Variants in NSL1 observed in about 807,000 individuals in gnomAD.
The protein encoded by NSL1 is kinetochore-associated protein NSL1 homolog.
NSL1 carries 11 observed loss-of-function variants against 25.4 expected under a neutral mutation model. That is an observed-to-expected ratio of 0.43 (90% CI 0.27 to 0.72). The LOEUF is 0.72. Ranked by LOEUF, NSL1 falls within the 30% of genes least tolerant of loss-of-function variation. NSL1 has a pLI of 0.19. For synonymous variants in NSL1, 118 were observed against 120.6 expected (o/e 0.98, Z 0.14); for missense variants, 330 against 342.7 (o/e 0.96, Z 0.29).
chr1:212,785,903 T>C (rs929260064), intron 2 of NSL1, among the ~76,000 whole-genome samples: 7 of 152,204 alleles, frequency 4.6e-5, no homozygotes, highest in Non-Finnish European at 1.0e-4. Context: ...ATTGCTGATA[T>C]GTTTCGGTAT....
chr1:212,776,908 A>C (rs942322015), intron 4 of NSL1, among the ~76,000 whole-genome samples: 1 of 151,976 alleles, frequency 6.6e-6, no homozygotes, highest in Non-Finnish European at 1.5e-5. Flanking sequence ...CAAACAAATG[A>C]ATTAAGTGCT....
At chr1:212,765,256 T>C (rs1159461968) in intron 4 of NSL1, among the ~76,000 whole-genome samples, 1 of 152,018 alleles carries the variant, frequency 6.6e-6, no homozygotes. Flanking sequence ...ATTACCCTAA[T>C]ACCAAAACTA....
Position 212,730,273 on chromosome 1 carries a change from G to T in NSL1, c.*8135C>A, listed in dbSNP as rs150953024. The stretch of plus-strand genomic sequence containing the variant: ...AAAAAAAAAAAAAAAAAAGAAATGC[G>T]CCAAGTCTCAGGTATTTATGGACTG... On this transcript the variant is annotated 3_prime_UTR_variant, in exon 6 of 6. Coordinates refer to ENST00000366977, the MANE Select transcript of NSL1 (RefSeq NM_015471.4). 24 of 510,236 alleles carry T rather than the reference G, an allele frequency of 4.7e-5. No individual in the cohort carries two copies. The East Asian group carries it at 2.5e-3, about 52-fold the overall frequency. 31.6% of individuals were successfully genotyped at this position (510,236 alleles called of 1,614,324 possible).
chr1:212,755,749 A>T (rs763901110), intron 4 of NSL1, among the ~76,000 whole-genome samples: 10 of 151,694 alleles, frequency 6.6e-5, no homozygotes, highest in Non-Finnish European at 1.2e-4. Flanking sequence ...AAATATGAAT[A>T]TGTATATATT....
At chr1:212,769,107 C>A (rs903615714) in intron 4 of NSL1, among the ~76,000 whole-genome samples, 3 of 151,732 alleles carry the variant, frequency 2.0e-5, no homozygotes, top group African/African-American at 7.3e-5. Flanking sequence ...GAAAGCCTAA[C>A]TGACTTTGGG....
Position 212,730,660 on chromosome 1 carries a change from G to T in NSL1, c.*7748C>A, listed in dbSNP as rs1247453341. ...GATCAGAAGGCAACTATACCTGCTAGCACAGTGATGTCACTGAGGGATGTC... is the reference window on the plus strand; with the variant it reads ...GATCAGAAGGCAACTATACCTGCTATCACAGTGATGTCACTGAGGGATGTC... On this transcript the variant is annotated 3_prime_UTR_variant, in exon 6 of 6. Coordinates refer to ENST00000366977, the MANE Select transcript of NSL1 (RefSeq NM_015471.4). 4 of 985,256 alleles carry T rather than the reference G, an allele frequency of 4.1e-6. No homozygotes were observed. The Admixed American group carries it at 2.5e-4, about 61-fold the overall frequency. 61.0% of individuals were successfully genotyped at this position (985,256 alleles called of 1,614,324 possible).
chr1:212,781,831 TG>T (rs1442608745), intron 4 of NSL1: 2 of 198,054 alleles, frequency 1.0e-5, no homozygotes, highest in South Asian at 8.1e-5. Flanking sequence ...GTTCTGCTGC[TG>T]GATTTACATA....
At chr1:212,738,727 G>T in intron 5 of NSL1, 41 bp from the exon 6 acceptor site, 1 of 1,533,394 alleles carries the variant, frequency 6.5e-7, no homozygotes, top group Non-Finnish European at 8.9e-7. Flanking sequence ...TTAATCTCAG[G>T]TTGAAACACA....
In NSL1 at chr1:212,732,496, G is replaced by A. The variant is rs140030679; in HGVS notation, c.*5912C>T. 2 of 465,900 alleles carry A rather than the reference G, an allele frequency of 4.3e-6. No homozygotes were observed. The highest frequency in any genetic ancestry group is 3.1e-4 in the East Asian group (2 of 6,530). 28.9% of individuals were successfully genotyped at this position (465,900 alleles called of 1,614,324 possible). A position where few individuals can be genotyped will look rare whatever the true frequency, so the allele number is the denominator to read the frequency against. On this transcript the variant is annotated 3_prime_UTR_variant, in exon 6 of 6. Coordinates refer to ENST00000366977, the MANE Select transcript of NSL1 (RefSeq NM_015471.4). Reference sequence around the variant, plus strand: ...CCCAGCTAATTTTGTATTTTTAGTTGTTGGTCAGGCTGGTCTCCAATTCCC... The same window carrying A: ...CCCAGCTAATTTTGTATTTTTAGTTATTGGTCAGGCTGGTCTCCAATTCCC...
chr1:212,777,387 C>G (rs184495469), intron 4 of NSL1, among the ~76,000 whole-genome samples: 19 of 150,748 alleles, frequency 1.3e-4, no homozygotes, highest in South Asian at 1.0e-3. Context: ...AAAAAAGGAA[C>G]CTAGAACAAG....
At chr1:212,742,901 C>A (rs916736785) in intron 4 of NSL1, among the ~76,000 whole-genome samples, 1 of 152,128 alleles carries the variant, frequency 6.6e-6, no homozygotes, top group African/African-American at 2.4e-5. Context: ...AAAATGAGAT[C>A]CCTGTATTTT....
chr1:212,738,922 T>A (rs1433351377), intron 5 of NSL1, among the ~76,000 whole-genome samples: 1 of 152,012 alleles, frequency 6.6e-6, no homozygotes, highest in African/African-American at 2.4e-5. Context: ...ACCACCACAC[T>A]TGGCTAATTT....
At chr1:212,765,966 C>T (rs747502498) in intron 4 of NSL1, among the ~76,000 whole-genome samples, 6 of 151,786 alleles carry the variant, frequency 4.0e-5, no homozygotes, top group Non-Finnish European at 7.4e-5. Context: ...GAAACCCTGT[C>T]TCTACTGAAA....
chr1:212,791,446 T>C, intron 1 of NSL1, 84 bp downstream of exon 1: 1 of 1,288,206 alleles, frequency 7.8e-7, no homozygotes, highest in South Asian at 1.3e-5. Context: ...TGCCAAGGCC[T>C]GGCGTGGGAT....
intron 5 of NSL1, among the ~76,000 whole-genome samples, 197 bp downstream of exon 5, chr1:212,739,337 A>G (rs1419945829): frequency 6.6e-6 from 1 of 152,240 alleles, no homozygotes; most frequent in Admixed American, 6.5e-5. Flanking sequence ...CAGGTATATT[A>G]CCTGGCACAT....
chr1:212,753,667 A>G (rs12404618), intron 4 of NSL1, among the ~76,000 whole-genome samples: 34,398 of 152,138 alleles, frequency 0.23, 4,588 homozygotes, highest in African/African-American at 0.38. Context: ...TGAATGGACC[A>G]ATGAGTAACA....
chr1:212,782,240 T>A (rs1660762293), intron 4 of NSL1, 132 bp downstream of exon 4: 1 of 729,296 alleles, frequency 1.4e-6, no homozygotes, highest in East Asian at 2.5e-5. Context: ...ATGCTAAACA[T>A]GAATGACTGG....
intron 4 of NSL1, among the ~76,000 whole-genome samples, chr1:212,773,796 A>T (rs1660229871): frequency 6.6e-6 from 1 of 152,212 alleles, no homozygotes; most frequent in African/African-American, 2.4e-5. Context: ...CTAAGTGTCC[A>T]TCAACAGATG....
At chr1:212,745,960 C>A (rs1227143212) in intron 4 of NSL1, among the ~76,000 whole-genome samples, 2 of 151,998 alleles carry the variant, frequency 1.3e-5, no homozygotes, top group African/African-American at 4.8e-5. Flanking sequence ...AGTAAGACCC[C>A]ATCTCAAAAA....
Sources: allele counts gnomAD v4.1 joint callset (sites outside exome capture counted in the v4.1 genomes callset), GRCh38; gene constraint gnomAD v4.1.1; transcripts MANE v1.5; gene names NCBI Gene and HGNC (gene_info 2026-07-23, HGNC 2026-07-21).